ARID1B: variants seen among roughly 807,000 people sequenced by gnomAD.
The protein encoded by ARID1B is AT-rich interactive domain-containing protein 1B.
Under a neutral mutation model 212.3 loss-of-function variants are expected in ARID1B, and 30 were observed. The observed-to-expected ratio is 0.14, with a 90% confidence interval of 0.11 to 0.19. The LOEUF is 0.19. ARID1B is among the 10% of genes least tolerant of loss of function. ARID1B has a pLI of 1.00. For missense variants in ARID1B, 2,891 were observed against 3,204.0 expected (o/e 0.90, Z 2.36); for synonymous variants, 1,402 against 1,301.7 (o/e 1.08, Z -1.66).
At chr6:157,179,454 A>G (rs1195219437) in intron 11 of ARID1B, among the ~76,000 whole-genome samples, 14 of 152,166 alleles carry the variant, frequency 9.2e-5, no homozygotes. Context: ...CTAAGTGTAC[A>G]TATGGGTTTA....
intron 4 of ARID1B, chr6:156,936,599 G>T (rs1357651266): frequency 6.8e-6 from 1 of 148,134 alleles, no homozygotes; most frequent in Middle Eastern, 3.2e-3. Flanking sequence ...GGCGGAGGTT[G>T]CAGTGAGCCG....
chr6:157,156,155 A>G (rs1391172807), intron 8 of ARID1B, among the ~76,000 whole-genome samples: 1 of 152,228 alleles, frequency 6.6e-6, no homozygotes, highest in Non-Finnish European at 1.5e-5. Context: ...AGTGGGGTCC[A>G]TGTGCTAAAG....
At chr6:157,096,321 G>A (rs1268857478) in intron 5 of ARID1B, among the ~76,000 whole-genome samples, 3 of 152,220 alleles carry the variant, frequency 2.0e-5, no homozygotes, top group Non-Finnish European at 2.9e-5. Flanking sequence ...AGAACTCACA[G>A]TTCTCTTAGA....
At chr6:156,939,126 T>A (rs1792477159) in intron 4 of ARID1B, 1 of 152,224 alleles carries the variant, frequency 6.6e-6, no homozygotes, top group Non-Finnish European at 1.5e-5. Flanking sequence ...ACATCCTTGG[T>A]ATTACTGTTA....
chr6:157,026,631 G>A (rs1426922872), intron 4 of ARID1B, among the ~76,000 whole-genome samples: 1 of 152,138 alleles, frequency 6.6e-6, no homozygotes, highest in Non-Finnish European at 1.5e-5. Flanking sequence ...TTTCTTAGGT[G>A]AGTAGAGGAG....
chr6:157,070,850 A>T (rs910508633), intron 4 of ARID1B, among the ~76,000 whole-genome samples: 1 of 152,160 alleles, frequency 6.6e-6, no homozygotes, highest in Non-Finnish European at 1.5e-5. Context: ...AATAATGAGA[A>T]CTGACAAGGC....
intron 15 of ARID1B, among the ~76,000 whole-genome samples, chr6:157,193,085 T>A (rs1456122242): frequency 2.6e-5 from 4 of 152,232 alleles, no homozygotes; most frequent in Admixed American, 6.5e-5. Flanking sequence ...CTTACTTCAC[T>A]GATTGAGGCA....
intron 4 of ARID1B, among the ~76,000 whole-genome samples, chr6:156,958,731 T>G (rs577222111): frequency 2.0e-5 from 3 of 151,974 alleles, no homozygotes; most frequent in Non-Finnish European, 4.4e-5. Flanking sequence ...CCTCCTTCCT[T>G]TTGGAAAAGT....
At chr6:156,913,891 G>A (rs115610805) in intron 3 of ARID1B, among the ~76,000 whole-genome samples, 2,104 of 131,872 alleles carry the variant, frequency 0.016, 49 homozygotes, top group African/African-American at 0.058. Context: ...TCACTTCCCA[G>A]CAACCAGCCC....
chr6:156,888,968 A>G (rs570676059), intron 2 of ARID1B, among the ~76,000 whole-genome samples: 2 of 152,192 alleles, frequency 1.3e-5, no homozygotes, highest in East Asian at 3.8e-4. Context: ...AAGCTTCCAC[A>G]TTAAAAGTGA....
intron 4 of ARID1B, among the ~76,000 whole-genome samples, chr6:156,984,311 C>G (rs992163995): frequency 2.0e-5 from 3 of 152,170 alleles, no homozygotes; most frequent in Admixed American, 2.0e-4. Flanking sequence ...CTCCTTGGAC[C>G]TCTTCACATT....
intron 7 of ARID1B, among the ~76,000 whole-genome samples, chr6:157,137,837 T>G (rs985584655): frequency 6.6e-6 from 1 of 152,198 alleles, no homozygotes; most frequent in Non-Finnish European, 1.5e-5. Flanking sequence ...AGCAGAGGAC[T>G]TACAAGTAGG....
intron 5 of ARID1B, among the ~76,000 whole-genome samples, chr6:157,085,390 C>T (rs1045657923): frequency 1.3e-5 from 2 of 152,280 alleles, no homozygotes; most frequent in African/African-American, 2.4e-5. Flanking sequence ...ATGGTCGAGG[C>T]GTTCTTACTG....
intron 4 of ARID1B, among the ~76,000 whole-genome samples, chr6:156,944,926 T>G (rs938985162): frequency 1.8e-4 from 18 of 101,218 alleles, no homozygotes; most frequent in Admixed American, 3.7e-4. Flanking sequence ...TTTCTTTTCC[T>G]TTTTTTTTTT....
At chr6:156,799,829 T>C (rs1233499029) in intron 1 of ARID1B, among the ~76,000 whole-genome samples, 1 of 152,164 alleles carries the variant, frequency 6.6e-6, no homozygotes, top group Non-Finnish European at 1.5e-5. Flanking sequence ...TGAAAGATCT[T>C]CCTTTCCCTC....
intron 4 of ARID1B, among the ~76,000 whole-genome samples, chr6:156,951,113 T>A (rs1001016209): frequency 3.3e-5 from 5 of 152,198 alleles, no homozygotes; most frequent in African/African-American, 1.2e-4. Flanking sequence ...TGGTTATTTT[T>A]AAATATACCA....
intron 8 of ARID1B, among the ~76,000 whole-genome samples, chr6:157,163,388 C>T (rs962462061): frequency 2.0e-5 from 3 of 152,214 alleles, no homozygotes; most frequent in Non-Finnish European, 2.9e-5. Context: ...GGAGTCCATC[C>T]ACAGCCCGCT....
intron 1 of ARID1B, among the ~76,000 whole-genome samples, chr6:156,782,429 G>A (rs980453812): frequency 4.6e-5 from 7 of 152,076 alleles, no homozygotes; most frequent in African/African-American, 1.7e-4. Context: ...TGTAAGATGA[G>A]TATTCAGATG....
At chr6:157,057,845 A>C (rs1783067615) in intron 4 of ARID1B, among the ~76,000 whole-genome samples, 1 of 152,186 alleles carries the variant, frequency 6.6e-6, no homozygotes, top group African/African-American at 2.4e-5. Flanking sequence ...GATTAATTTC[A>C]GATAGGGTTG....
Sources: allele counts gnomAD v4.1 joint callset (sites outside exome capture counted in the v4.1 genomes callset), GRCh38; gene constraint gnomAD v4.1.1; transcripts MANE v1.5; gene names NCBI Gene and HGNC (gene_info 2026-07-23, HGNC 2026-07-21).